Variants in SLC39A12 observed in about 807,000 individuals in gnomAD.
The protein encoded by SLC39A12 is zinc transporter ZIP12.
In SLC39A12, 63 loss-of-function variants were observed where a neutral mutation model predicts 71.1. The ratio of observed to expected loss-of-function variants is 0.89; its 90% CI spans 0.72 to 1.09. SLC39A12 has a LOEUF of 1.09. Ranked by LOEUF, SLC39A12 falls within the 50% of genes least tolerant of loss-of-function variation. The pLI is 0.00. For missense variants in SLC39A12, 892 were observed against 812.6 expected (o/e 1.10, Z -1.19); for synonymous variants, 351 against 301.3 (o/e 1.16, Z -1.71).
chr10:17,985,450 GT>G (rs34451787), intron 6 of SLC39A12, among the ~76,000 whole-genome samples: 63,510 of 149,370 alleles, frequency 0.43, 13,789 homozygotes, highest in East Asian at 0.55. Context: ...TAAGAGGATA[GT>G]TTTTTTTTTT....
chr10:18,041,233 A>G (rs1320097672), intron 12 of SLC39A12, among the ~76,000 whole-genome samples: 2 of 152,100 alleles, frequency 1.3e-5, no homozygotes, highest in African/African-American at 4.8e-5. Flanking sequence ...AAATGGTGTT[A>G]GGCCATTTCA....
chr10:17,995,860 G>T, intron 10 of SLC39A12, 138 bp downstream of exon 10: 2 of 663,218 alleles, frequency 3.0e-6, no homozygotes, highest in Non-Finnish European at 4.9e-6. Context: ...AATAGGATTT[G>T]TAATAAAAAC....
intron 12 of SLC39A12, among the ~76,000 whole-genome samples, chr10:18,028,372 G>A (rs772701871): frequency 5.9e-5 from 9 of 152,214 alleles, no homozygotes; most frequent in Non-Finnish European, 1.2e-4. Flanking sequence ...ATGAATAAAG[G>A]TAAATGTTGA....
intron 9 of SLC39A12, among the ~76,000 whole-genome samples, chr10:17,994,462 A>G (rs1035354308): frequency 1.3e-5 from 2 of 152,358 alleles, no homozygotes; most frequent in African/African-American, 4.8e-5. Flanking sequence ...GAAGTCCTGA[A>G]TGTTTGGCTC....
chr10:18,025,828 T>C (rs934302135), intron 12 of SLC39A12, among the ~76,000 whole-genome samples: 1 of 152,218 alleles, frequency 6.6e-6, no homozygotes, highest in African/African-American at 2.4e-5. Context: ...CCACCATGGT[T>C]CTCTTATTTT....
intron 4 of SLC39A12, among the ~76,000 whole-genome samples, chr10:17,974,726 G>T (rs1195523805): frequency 6.6e-6 from 1 of 152,158 alleles, no homozygotes. Context: ...CCTGAAGCCA[G>T]CACAGCACTG....
At chr10:18,030,169 A>G (rs1836797979) in intron 12 of SLC39A12, among the ~76,000 whole-genome samples, 1 of 152,134 alleles carries the variant, frequency 6.6e-6, no homozygotes, top group African/African-American at 2.4e-5. Flanking sequence ...TTGAAATGGA[A>G]ACTTTTATTT....
At chr10:18,028,912 G>T (rs1362922156) in intron 12 of SLC39A12, among the ~76,000 whole-genome samples, 2 of 151,878 alleles carry the variant, frequency 1.3e-5, no homozygotes, top group Admixed American at 1.3e-4. Flanking sequence ...TAGAGACGAG[G>T]TTTCACCATA....
At chr10:17,998,535 G>A (rs1431912152) in intron 10 of SLC39A12, among the ~76,000 whole-genome samples, 1 of 152,120 alleles carries the variant, frequency 6.6e-6, no homozygotes, top group African/African-American at 2.4e-5. Context: ...ATGTCAATAA[G>A]AACTCCCTGA....
At chr10:18,023,711 C>T (rs1051163596) in intron 12 of SLC39A12, among the ~76,000 whole-genome samples, 1 of 152,176 alleles carries the variant, frequency 6.6e-6, no homozygotes, top group Admixed American at 6.5e-5. Flanking sequence ...GGTCTTTATT[C>T]TCTTTCCAGC....
intron 9 of SLC39A12, 115 bp from the exon 10 acceptor site, chr10:17,995,541 A>T (rs1054809419): frequency 1.2e-6 from 1 of 862,564 alleles, no homozygotes; most frequent in Non-Finnish European, 1.8e-6. Context: ...TCTAATATAC[A>T]TCTAGAGTAC....
At chr10:18,026,744 A>G (rs891954129) in intron 12 of SLC39A12, among the ~76,000 whole-genome samples, 2 of 150,968 alleles carry the variant, frequency 1.3e-5, no homozygotes, top group Non-Finnish European at 3.0e-5. Flanking sequence ...CTGTTTTTCA[A>G]GTTTGTTTTG....
intron 4 of SLC39A12, among the ~76,000 whole-genome samples, chr10:17,973,189 T>C (rs1835018927): frequency 6.6e-6 from 1 of 152,188 alleles, no homozygotes; most frequent in Non-Finnish European, 1.5e-5. Context: ...TATCACATTG[T>C]GCTGTCTATG....
At chr10:18,024,919 G>A (rs866741786) in intron 12 of SLC39A12, among the ~76,000 whole-genome samples, 3 of 152,020 alleles carry the variant, frequency 2.0e-5, no homozygotes, top group East Asian at 3.9e-4. Flanking sequence ...ATTTAAGATC[G>A]CTACGACCAC....
intron 10 of SLC39A12, among the ~76,000 whole-genome samples, chr10:17,999,390 A>C (rs1370853447): frequency 6.6e-6 from 1 of 152,064 alleles, no homozygotes; most frequent in Non-Finnish European, 1.5e-5. Context: ...TATATATGCA[A>C]CTGAATAATT....
chr10:17,998,729 A>G (rs1047336819), intron 10 of SLC39A12, among the ~76,000 whole-genome samples: 2 of 152,174 alleles, frequency 1.3e-5, no homozygotes, highest in Non-Finnish European at 2.9e-5. Flanking sequence ...AACACAGTAA[A>G]TGGAGCTATC....
chr10:17,978,054 G>A lies in SLC39A12; in HGVS notation c.904G>A (p.Gly302Ser), dbSNP rs144385506. The change falls in exon 5 of 13, where the codon GGT becomes AGT. Residue 302 changes from glycine to serine, a missense_variant. By Grantham distance (56) the Gly-to-Ser change is moderately conservative (BLOSUM62 0). Coordinates refer to ENST00000377369, the MANE Select transcript of SLC39A12 (RefSeq NM_001145195.2). The stretch of plus-strand genomic sequence containing the variant: ...ATCCATGGAAAAAGAGTCTGAGGAT[G>A]GTCCAGTTTCCTGGGATCAGGTATT... ...SSSMEKESED[G>S]PVSWDQTCFS... 146 of 1,597,308 alleles carry A rather than the reference G, an allele frequency of 9.1e-5. No individual in the cohort carries two copies. Among genetic ancestry groups the A allele is most frequent in the Middle Eastern group, 3.3e-4 (2 of 6,012 alleles).
intron 12 of SLC39A12, among the ~76,000 whole-genome samples, chr10:18,024,244 G>A (rs895161092): frequency 1.3e-5 from 2 of 152,130 alleles, no homozygotes; most frequent in African/African-American, 4.8e-5. Context: ...TCTTGGTGGA[G>A]CTAAGACAGC....
At chr10:17,969,105 T>A (rs1834905134) in intron 4 of SLC39A12, among the ~76,000 whole-genome samples, 1 of 152,218 alleles carries the variant, frequency 6.6e-6, no homozygotes, top group Non-Finnish European at 1.5e-5. Flanking sequence ...TCCATGTTGT[T>A]GCAAATGACT....
Sources: allele counts gnomAD v4.1 joint callset (sites outside exome capture counted in the v4.1 genomes callset), GRCh38; gene constraint gnomAD v4.1.1; transcripts MANE v1.5; gene names NCBI Gene and HGNC (gene_info 2026-07-23, HGNC 2026-07-21).